CHD9: variants seen among roughly 807,000 people sequenced by gnomAD.
CHD9 encodes ATP-dependent chromatin remodeler CHD9.
Under a neutral mutation model 316.1 loss-of-function variants are expected in CHD9, and 77 were observed. The observed-to-expected ratio is 0.24, with a 90% confidence interval of 0.20 to 0.29. CHD9 has a LOEUF of 0.29. Among genes scored for constraint, CHD9 ranks in the 10% least tolerant of loss-of-function variants. The pLI, the probability that CHD9 is intolerant of heterozygous loss-of-function variation, is 1.00. For synonymous variants in CHD9, 1,129 were observed against 1,158.3 expected, an observed-to-expected ratio of 0.97 and a Z score of 0.51; for missense variants, 2,763 against 3,438.1, an observed-to-expected ratio of 0.80 and a Z score of 4.91.
chr16:53,283,121 C>T (rs1363602082), intron 24 of CHD9, among the ~76,000 whole-genome samples: 5 of 152,122 alleles, frequency 3.3e-5, no homozygotes, highest in Non-Finnish European at 7.3e-5. Flanking sequence ...CCATTCTCTT[C>T]CTCTTCCTGC....
intron 2 of CHD9, 45 bp downstream of exon 2, chr16:53,157,586 G>A (rs762986100): frequency 2.5e-5 from 39 of 1,536,172 alleles, no homozygotes; most frequent in Non-Finnish European, 2.6e-5. Context: ...GGGGTAGGGC[G>A]GACTGTTAGT....
intron 1 of CHD9, 129 bp from the exon 2 acceptor site, chr16:53,155,797 G>A (rs1304717798): frequency 1.4e-5 from 4 of 292,124 alleles, no homozygotes; most frequent in Non-Finnish European, 1.9e-5. Flanking sequence ...TATATAAATC[G>A]AGTCATATAA....
intron 19 of CHD9, among the ~76,000 whole-genome samples, chr16:53,258,711 G>A (rs2050814611): frequency 6.6e-6 from 1 of 152,060 alleles, no homozygotes; most frequent in Non-Finnish European, 1.5e-5. Context: ...TTCAGACTTA[G>A]TACATATACA....
intron 1 of CHD9, among the ~76,000 whole-genome samples, chr16:53,088,505 C>T (rs936148619): frequency 1.3e-5 from 2 of 151,820 alleles, no homozygotes; most frequent in Admixed American, 1.3e-4. Context: ...GTCTCGATCT[C>T]CTGACCTCCT....
intron 10 of CHD9, among the ~76,000 whole-genome samples, chr16:53,234,287 A>G (rs545633411): frequency 8.3e-4 from 126 of 152,264 alleles, no homozygotes; most frequent in African/African-American, 3.0e-3. Context: ...CATGTCTTCT[A>G]TAATATAAAT....
intron 1 of CHD9, among the ~76,000 whole-genome samples, chr16:53,108,511 TATAGATAGATAGATAGATAGATAGATAG>T (rs36134573): frequency 1.4e-5 from 2 of 146,510 alleles, no homozygotes; most frequent in Non-Finnish European, 3.0e-5. Flanking sequence ...TCTCAAAAAA[TATAGATAGATAGATAGATAGATAGATAG>T]ATAGATAGAT....
At chr16:53,191,946 T>G (rs1597368288) in intron 2 of CHD9, among the ~76,000 whole-genome samples, 1 of 152,122 alleles carries the variant, frequency 6.6e-6, no homozygotes, top group East Asian at 1.9e-4. Flanking sequence ...CTTTTTAAAT[T>G]TAGCCATTGA....
At chr16:53,101,808 A>G (rs2036909401) in intron 1 of CHD9, among the ~76,000 whole-genome samples, 1 of 152,220 alleles carries the variant, frequency 6.6e-6, no homozygotes, top group Non-Finnish European at 1.5e-5. Flanking sequence ...GGTCTGTGAG[A>G]GACCCAACCC....
chr16:53,074,525 A>G (rs1361502212), intron 1 of CHD9, among the ~76,000 whole-genome samples: 3 of 152,110 alleles, frequency 2.0e-5, no homozygotes, highest in Non-Finnish European at 4.4e-5. Context: ...AGGAGGAAAA[A>G]ATGGTTTTGT....
At chr16:53,252,914 G>A (rs929381724) in intron 17 of CHD9, among the ~76,000 whole-genome samples, 5 of 152,084 alleles carry the variant, frequency 3.3e-5, no homozygotes, top group African/African-American at 1.2e-4. Flanking sequence ...GTTGGCGTGG[G>A]TGCAGTGAAC....
At chr16:53,306,928 C>T (rs531747982) in intron 32 of CHD9, among the ~76,000 whole-genome samples, 92 of 152,178 alleles carry the variant, frequency 6.0e-4, no homozygotes, top group African/African-American at 2.0e-3. Context: ...TACAGGCACC[C>T]ACCACCCTAC....
At chr16:53,229,982 A>G (rs985778110) in intron 8 of CHD9, among the ~76,000 whole-genome samples, 2 of 152,082 alleles carry the variant, frequency 1.3e-5, no homozygotes, top group Non-Finnish European at 2.9e-5. Context: ...GTTTATTTTT[A>G]TCTGGTCCAG....
intron 37 of CHD9, 42 bp downstream of exon 37, chr16:53,318,382 T>C: frequency 6.8e-7 from 1 of 1,469,708 alleles, no homozygotes; most frequent in Non-Finnish European, 9.3e-7. Flanking sequence ...ATTGATTCAA[T>C]ATTTAAGAGA....
Position 53,245,237 on chromosome 16 carries a change from A to T in CHD9, c.3055-99A>T. 1 of 847,900 alleles carries T rather than the reference A, an allele frequency of 1.2e-6. No individual in the cohort carries two copies. Among genetic ancestry groups the T allele is most frequent in the African/African-American group, 1.7e-5 (1 of 57,436 alleles). The allele number at this position is 847,900 out of a possible 1,614,324, so 52.5% of individuals were successfully genotyped here. The stretch of plus-strand genomic sequence containing the variant: ...AACATATATATATGTATATATAGTC[A>T]GAAAAATATTTGCATATTGATCATT... On this transcript the variant is annotated intron_variant, in intron 13 of 38. Coordinates refer to ENST00000447540, the MANE Select transcript of CHD9 (RefSeq NM_001308319.2). This position sits in a 1 kb window ranked among gnomAD's most constrained non-coding sequence, Gnocchi z 4.1.
At chr16:53,063,154 A>G (rs991546526) in intron 1 of CHD9, among the ~76,000 whole-genome samples, 4 of 152,092 alleles carry the variant, frequency 2.6e-5, no homozygotes, top group African/African-American at 9.7e-5. Context: ...AAATCATTCA[A>G]TTAATCCTCA....
At chr16:53,232,903 C>T (rs1054876712) in intron 10 of CHD9, among the ~76,000 whole-genome samples, 4 of 152,164 alleles carry the variant, frequency 2.6e-5, no homozygotes, top group African/African-American at 9.7e-5. Flanking sequence ...ATACACTTAC[C>T]TGATGTTTAA....
chr16:53,117,991 A>G (rs890414108), intron 1 of CHD9, among the ~76,000 whole-genome samples: 10 of 151,818 alleles, frequency 6.6e-5, no homozygotes, highest in African/African-American at 2.4e-4. Context: ...ACGCCCAGCT[A>G]ATTTTTTTTG....
chr16:53,226,439 A>G lies in CHD9; in HGVS notation c.1970A>G (p.Glu657Gly), dbSNP rs756402358. The G allele has an allele frequency of 6.2e-7, 1 of 1,605,014 alleles. No individual in the cohort carries two copies. The highest frequency in any genetic ancestry group is 8.5e-7 in the Non-Finnish European group (1 of 1,177,044). The change falls in exon 5 of 39, where the codon GAG becomes GGG. Residue 657 changes from glutamate to glycine, a missense_variant. Physicochemically the swap from Glu to Gly is moderately conservative, Grantham distance 98. This residue lies in a region of CHD9 where 859 missense variants were observed against 890.4 expected (regional missense o/e 0.96). Coordinates refer to ENST00000447540, the MANE Select transcript of CHD9 (RefSeq NM_001308319.2). ...EDIEGKQSEE[E>G]VKGSMKIKKN... The stretch of plus-strand genomic sequence containing the variant: ...ATAGAAGGGAAGCAATCTGAAGAAG[A>G]GGTTAAAGGTTCTATGAAAATAAAA...
At chr16:53,106,024 A>G (rs1318980557) in intron 1 of CHD9, among the ~76,000 whole-genome samples, 2 of 151,998 alleles carry the variant, frequency 1.3e-5, no homozygotes, top group Non-Finnish European at 2.9e-5. Flanking sequence ...GGGTTTCACC[A>G]TGTTGACCAG....
Sources: gnomAD v4.1 joint callset for allele counts (sites outside exome capture counted in the v4.1 genomes callset) on GRCh38, gnomAD v4.1.1 for gene constraint, gnomAD v4.1.1 regional missense constraint, Gnocchi (gnomAD v3.1) non-coding constraint, MANE v1.5 for transcripts, NCBI Gene and HGNC (gene_info 2026-07-23, HGNC 2026-07-21) for gene names.